Variants in SDC2 observed in about 807,000 individuals in gnomAD.
SDC2 encodes the protein syndecan 2, also known as syndecan-2.
A neutral mutation model predicts 22.2 loss-of-function variants in SDC2; 13 were observed. That is an observed-to-expected ratio of 0.59 (90% CI 0.38 to 0.93). SDC2 has a LOEUF of 0.93. SDC2 is among the 40% of genes least tolerant of loss of function. The probability of loss-of-function intolerance (pLI) is 0.00; values close to 1 mark genes in which losing one functional copy is unlikely to be tolerated. For missense variants in SDC2, 235 were observed against 246.8 expected (o/e 0.95, Z 0.32); for synonymous variants, 94 against 92.8 (o/e 1.01, Z -0.07).
chr8:96,552,691 T>C (rs921650033), intron 1 of SDC2, among the ~76,000 whole-genome samples: 1 of 152,330 alleles, frequency 6.6e-6, no homozygotes, highest in Non-Finnish European at 1.5e-5. Context: ...ATTTATAGCA[T>C]GTAATTAAGG....
chr8:96,548,871 AGGCCTAT>A (rs1401340059), intron 1 of SDC2, among the ~76,000 whole-genome samples: 1 of 152,222 alleles, frequency 6.6e-6, no homozygotes, highest in Non-Finnish European at 1.5e-5. Flanking sequence ...GCTGGTAAGT[AGGCCTAT>A]GGCAGTGAAA....
chr8:96,558,928 A>G (rs191651945), intron 1 of SDC2, among the ~76,000 whole-genome samples: 1 of 152,194 alleles, frequency 6.6e-6, no homozygotes, highest in Non-Finnish European at 1.5e-5. Context: ...GAAAAATCTT[A>G]ATGCAAATAT....
chr8:96,508,209 T>C (rs1430362766), intron 1 of SDC2, among the ~76,000 whole-genome samples: 1 of 151,788 alleles, frequency 6.6e-6, no homozygotes, highest in Non-Finnish European at 1.5e-5. Flanking sequence ...GGCAGGAGAA[T>C]GGCATGAACC....
intron 1 of SDC2, among the ~76,000 whole-genome samples, chr8:96,590,543 T>C (rs1814763246): frequency 1.3e-5 from 2 of 152,208 alleles, no homozygotes; most frequent in African/African-American, 4.8e-5. Context: ...ATAAATCATT[T>C]CCCGTCCTAG....
chr8:96,597,064 A>G (rs1285995247), intron 2 of SDC2, among the ~76,000 whole-genome samples: 1 of 150,686 alleles, frequency 6.6e-6, no homozygotes, highest in Non-Finnish European at 1.5e-5. Context: ...CCCTGCCCTC[A>G]GAGGGAAACC....
At chr8:96,553,340 ATT>A (rs1192798575) in intron 1 of SDC2, among the ~76,000 whole-genome samples, 3 of 152,056 alleles carry the variant, frequency 2.0e-5, no homozygotes, top group Non-Finnish European at 4.4e-5. Context: ...GGATTTTAAT[ATT>A]GTTTTATTTT....
At position 96,605,557 on chromosome 8, in the gene SDC2, C is replaced by T. The variant is rs116420577; in HGVS notation, c.307-2778C>T. On this transcript the variant is annotated intron_variant, in intron 3 of 4. Coordinates refer to ENST00000302190, the MANE Select transcript of SDC2 (RefSeq NM_002998.4). ...AGGCCTGGGAAGGCCTGTCGTATTT[C>T]CTTCTCTCATAGTAATAGAAAGGAC... 2.5e-3 allele frequency among the ~76,000 whole-genome samples: 388 copies of T among 152,320 alleles called. 2 individuals carry two copies. The highest frequency in any genetic ancestry group is 8.7e-3 in the African/African-American group (362 of 41,576).
intron 1 of SDC2, among the ~76,000 whole-genome samples, chr8:96,568,942 A>G (rs1814345445): frequency 6.6e-6 from 1 of 152,190 alleles, no homozygotes; most frequent in Admixed American, 6.5e-5. Flanking sequence ...GAAATTACAC[A>G]TGGCTGCTGC....
chr8:96,574,925 A>G (rs146356850), intron 1 of SDC2, among the ~76,000 whole-genome samples: 2 of 152,258 alleles, frequency 1.3e-5, no homozygotes, highest in African/African-American at 4.8e-5. Flanking sequence ...GGATGATTCA[A>G]GCGCAGTACA....
intron 1 of SDC2, among the ~76,000 whole-genome samples, chr8:96,552,259 C>T (rs934772426): frequency 2.0e-5 from 3 of 152,190 alleles, no homozygotes; most frequent in Admixed American, 6.5e-5. Context: ...ACTCTGAGCT[C>T]CATCTTGGGA....
At chr8:96,548,457 C>T (rs1813971267) in intron 1 of SDC2, among the ~76,000 whole-genome samples, 1 of 152,134 alleles carries the variant, frequency 6.6e-6, no homozygotes, top group Admixed American at 6.5e-5. Context: ...GCATACATTT[C>T]AAAATGTTTC....
chr8:96,602,592 G>A lies in SDC2; in HGVS notation c.306+64G>A, dbSNP rs1042342918. On this transcript the variant is annotated intron_variant, in intron 3 of 4. Coordinates refer to ENST00000302190, the MANE Select transcript of SDC2 (RefSeq NM_002998.4). ...TTACAAATGCTTCACTTTACTGACT[G>A]TACACAACAGTCCCTTTTGTATTAT... 5.9e-6 allele frequency: 9 copies of A among 1,531,360 alleles called. No individual in the cohort carries two copies. The African/African-American group carries it at 8.2e-5, about 14-fold the overall frequency. The allele number at this position is 1,531,360 out of a possible 1,614,324, so 94.9% of individuals were successfully genotyped here.
At chr8:96,581,726 AAGAC>A (rs1814593556) in intron 1 of SDC2, among the ~76,000 whole-genome samples, 1 of 152,176 alleles carries the variant, frequency 6.6e-6, no homozygotes, top group African/African-American at 2.4e-5. Context: ...GTAGATTAGA[AAGAC>A]AGAAGGCAGC....
At chr8:96,589,737 CTA>C (rs545939770) in intron 1 of SDC2, among the ~76,000 whole-genome samples, 113 of 152,286 alleles carry the variant, frequency 7.4e-4, no homozygotes, top group African/African-American at 2.4e-3. Flanking sequence ...ATGTCATCCT[CTA>C]TGTGGCAGGG....
At chr8:96,560,659 C>T (rs1316210064) in intron 1 of SDC2, among the ~76,000 whole-genome samples, 1 of 151,438 alleles carries the variant, frequency 6.6e-6, no homozygotes, top group Admixed American at 6.6e-5. Context: ...TATAGTTGTA[C>T]TTATATTATT....
intron 1 of SDC2, among the ~76,000 whole-genome samples, chr8:96,525,522 C>T (rs1813563844): frequency 6.6e-6 from 1 of 152,154 alleles, no homozygotes; most frequent in African/African-American, 2.4e-5. Flanking sequence ...GGTTCTTGCC[C>T]TTGCTGCTTT....
At chr8:96,500,246 GAGTT>G (rs1431654954) in intron 1 of SDC2, among the ~76,000 whole-genome samples, 1 of 152,192 alleles carries the variant, frequency 6.6e-6, no homozygotes, top group African/African-American at 2.4e-5. Context: ...GGGAAGGAGA[GAGTT>G]AGAATTTAGT....
At chr8:96,508,348 C>T (rs1327554007) in intron 1 of SDC2, among the ~76,000 whole-genome samples, 1 of 142,430 alleles carries the variant, frequency 7.0e-6, no homozygotes, top group Non-Finnish European at 1.5e-5. Flanking sequence ...TAATAATTAG[C>T]CGGGTGTGGT....
intron 1 of SDC2, among the ~76,000 whole-genome samples, chr8:96,527,487 G>A (rs894560948): frequency 6.6e-6 from 1 of 152,078 alleles, no homozygotes; most frequent in African/African-American, 2.4e-5. Flanking sequence ...CTACTTACAT[G>A]CCCGTCAGTG....
Sources: allele counts gnomAD v4.1 joint callset (sites outside exome capture counted in the v4.1 genomes callset), GRCh38; gene constraint gnomAD v4.1.1; transcripts MANE v1.5; gene names NCBI Gene and HGNC (gene_info 2026-07-23, HGNC 2026-07-21).